Variants in GRM8 observed in about 807,000 individuals in gnomAD.
GRM8 encodes the protein metabotropic glutamate receptor 8.
GRM8 carries 47 observed loss-of-function variants against 87.2 expected under a neutral mutation model. The ratio of observed to expected loss-of-function variants is 0.54; its 90% CI spans 0.43 to 0.69. The LOEUF is 0.69. Among genes scored for constraint, GRM8 ranks in the 30% least tolerant of loss-of-function variants. The pLI, the probability that GRM8 is intolerant of heterozygous loss-of-function variation, is 0.00. For missense variants in GRM8, 1,019 were observed against 1,139.2 expected (o/e 0.89, Z 1.52); for synonymous variants, 396 against 404.5 (o/e 0.98, Z 0.25).
At chr7:126,688,739 GACAC>G (rs3831573) in intron 7 of GRM8, among the ~76,000 whole-genome samples, 17 of 145,712 alleles carry the variant, frequency 1.2e-4, no homozygotes, top group Admixed American at 8.9e-4. Context: ...CTCTCTTTCT[GACAC>G]ACACACACAC....
chr7:126,790,520 T>G (rs2151671800), intron 6 of GRM8, among the ~76,000 whole-genome samples: 1 of 152,304 alleles, frequency 6.6e-6, no homozygotes, highest in South Asian at 2.1e-4. Context: ...AGGAATTTTG[T>G]TTTGTATTTG....
At chr7:126,545,141 C>T (rs1816998574) in intron 8 of GRM8, among the ~76,000 whole-genome samples, 1 of 152,192 alleles carries the variant, frequency 6.6e-6, no homozygotes, top group African/African-American at 2.4e-5. Context: ...TCTGAGTCCA[C>T]GGATGGTGGC....
intron 9 of GRM8, among the ~76,000 whole-genome samples, chr7:126,525,924 T>C (rs1350387507): frequency 6.6e-6 from 1 of 152,230 alleles, no homozygotes; most frequent in Non-Finnish European, 1.5e-5. Context: ...CAAATAAATC[T>C]GTTTCGAATT....
chr7:126,558,014 A>G (rs1004511787), intron 8 of GRM8, among the ~76,000 whole-genome samples: 8 of 152,198 alleles, frequency 5.3e-5, no homozygotes, highest in African/African-American at 1.9e-4. Context: ...AACATATGGC[A>G]TCTGTTACTG....
intron 8 of GRM8, among the ~76,000 whole-genome samples, chr7:126,541,281 G>GC (rs1241501161): frequency 6.6e-6 from 1 of 152,146 alleles, no homozygotes; most frequent in Non-Finnish European, 1.5e-5. Context: ...CAGAAGAGGA[G>GC]CTCAACAGCA....
At chr7:127,195,203 A>G (rs898155563) in intron 2 of GRM8, among the ~76,000 whole-genome samples, 2 of 152,204 alleles carry the variant, frequency 1.3e-5, no homozygotes, top group Admixed American at 6.5e-5. Flanking sequence ...ATTCTTTAAA[A>G]TTAGTTTATC....
chr7:126,980,735 C>A (rs530059899), intron 3 of GRM8, among the ~76,000 whole-genome samples: 1 of 152,332 alleles, frequency 6.6e-6, no homozygotes, highest in Admixed American at 6.5e-5. Flanking sequence ...TGAACTATTA[C>A]CTTTCTTTCA....
At chr7:127,075,462 A>C (rs1337420284) in intron 3 of GRM8, among the ~76,000 whole-genome samples, 1 of 152,192 alleles carries the variant, frequency 6.6e-6, no homozygotes, top group Non-Finnish European at 1.5e-5. Context: ...TTCATAAATT[A>C]GTTTTAGTTG....
chr7:126,670,549 G>C (rs1386981663), intron 7 of GRM8, among the ~76,000 whole-genome samples: 1 of 152,124 alleles, frequency 6.6e-6, no homozygotes, highest in African/African-American at 2.4e-5. Context: ...ATTCACAGAC[G>C]ATTGTTGTCT....
chr7:126,816,002 T>A (rs1248138701), intron 6 of GRM8, among the ~76,000 whole-genome samples: 1 of 150,594 alleles, frequency 6.6e-6, no homozygotes, highest in Non-Finnish European at 1.5e-5. Flanking sequence ...AAGGCCAGAT[T>A]TTTATATATA....
At chr7:126,609,846 TTGAAGCATG>T (rs1798742376) in intron 7 of GRM8, among the ~76,000 whole-genome samples, 1 of 152,218 alleles carries the variant, frequency 6.6e-6, no homozygotes, top group South Asian at 2.1e-4. Context: ...TGTAAATGTT[TTGAAGCATG>T]ACAGCTATTG....
chr7:126,978,866 TCTTG>T (rs1380487009), intron 3 of GRM8, among the ~76,000 whole-genome samples: 1 of 152,206 alleles, frequency 6.6e-6, no homozygotes, highest in East Asian at 1.9e-4. Context: ...TCCCCTATTT[TCTTG>T]CTTGTTTGCT....
chr7:126,853,765 G>A (rs1797436786), intron 6 of GRM8, among the ~76,000 whole-genome samples: 1 of 152,170 alleles, frequency 6.6e-6, no homozygotes, highest in Non-Finnish European at 1.5e-5. Context: ...GCCTGGAGGT[G>A]TGCTCCTGTT....
chr7:126,880,256 G>A (rs751644863), intron 6 of GRM8, among the ~76,000 whole-genome samples: 7 of 152,130 alleles, frequency 4.6e-5, no homozygotes, highest in Non-Finnish European at 7.3e-5. Flanking sequence ...ACATGCAGGA[G>A]GAATACATGA....
At chr7:127,203,265 G>A (rs1795710909) in intron 2 of GRM8, among the ~76,000 whole-genome samples, 1 of 152,194 alleles carries the variant, frequency 6.6e-6, no homozygotes, top group Non-Finnish European at 1.5e-5. Context: ...TGGAAACAGA[G>A]ACTGGGGGTT....
chr7:126,575,059 G>A (rs1417379810), intron 8 of GRM8, among the ~76,000 whole-genome samples: 1 of 152,110 alleles, frequency 6.6e-6, no homozygotes, highest in African/African-American at 2.4e-5. Flanking sequence ...GTAGACAACA[G>A]ATCCTCTAGG....
chr7:126,806,171 GAGT>G (rs1772798004), intron 6 of GRM8, among the ~76,000 whole-genome samples: 1 of 152,166 alleles, frequency 6.6e-6, no homozygotes, highest in Non-Finnish European at 1.5e-5. Context: ...GATGTGTCCA[GAGT>G]TTATTCCTTC....
chr7:126,569,151 C>A (rs1471929432), intron 8 of GRM8, among the ~76,000 whole-genome samples: 1 of 152,090 alleles, frequency 6.6e-6, no homozygotes, highest in African/African-American at 2.4e-5. Flanking sequence ...CACAAAAGAT[C>A]CACAACTATC....
At chr7:127,011,503 T>C in intron 3 of GRM8, among the ~76,000 whole-genome samples, 1 of 152,188 alleles carries the variant, frequency 6.6e-6, no homozygotes, top group Non-Finnish European at 1.5e-5. Flanking sequence ...TACTTGCATA[T>C]ATAGCCGCCT....
Sources: gnomAD v4.1 joint callset for allele counts (sites outside exome capture counted in the v4.1 genomes callset) on GRCh38, gnomAD v4.1.1 for gene constraint, MANE v1.5 for transcripts, NCBI Gene and HGNC (gene_info 2026-07-23, HGNC 2026-07-21) for gene names.